B3GALT1: variants seen among roughly 807,000 people sequenced by gnomAD.
B3GALT1 encodes the protein beta-1,3-galactosyltransferase 1.
Under a neutral mutation model 23.2 loss-of-function variants are expected in B3GALT1, and 10 were observed. That is an observed-to-expected ratio of 0.43 (90% CI 0.27 to 0.73). The LOEUF (loss-of-function observed/expected upper bound fraction) is 0.73. Among genes scored for constraint, B3GALT1 ranks in the 30% least tolerant of loss-of-function variants. The pLI, the probability that B3GALT1 is intolerant of heterozygous loss-of-function variation, is 0.21. For synonymous variants in B3GALT1, 156 were observed against 141.5 expected, an observed-to-expected ratio of 1.10 and a Z score of -0.73; for missense variants, 299 against 405.4, an observed-to-expected ratio of 0.74 and a Z score of 2.25.
chr2:167,527,878 T>G (rs1683249052), intron 2 of B3GALT1, among the ~76,000 whole-genome samples: 1 of 152,186 alleles, frequency 6.6e-6, no homozygotes, highest in Non-Finnish European at 1.5e-5. Flanking sequence ...AAAAAGAATA[T>G]TAAAGTTATT....
intron 3 of B3GALT1, among the ~76,000 whole-genome samples, chr2:167,653,516 A>T (rs1685901460): frequency 6.6e-6 from 1 of 152,194 alleles, no homozygotes; most frequent in South Asian, 2.1e-4. Context: ...GAAATTGCAG[A>T]AAGAGCAGCA....
intron 3 of B3GALT1, among the ~76,000 whole-genome samples, chr2:167,806,192 T>C (rs1688748621): frequency 1.3e-5 from 2 of 152,232 alleles, no homozygotes; most frequent in African/African-American, 4.8e-5. Flanking sequence ...TCCTGAGACT[T>C]TGCTGAAGTT....
intron 3 of B3GALT1, among the ~76,000 whole-genome samples, chr2:167,681,313 A>C (rs1156794567): frequency 6.6e-6 from 1 of 152,090 alleles, no homozygotes; most frequent in African/African-American, 2.4e-5. Flanking sequence ...TTTTTGCCCT[A>C]TCTCTGTTTT....
At chr2:167,593,986 A>G (rs1237699031) in intron 2 of B3GALT1, among the ~76,000 whole-genome samples, 1 of 152,360 alleles carries the variant, frequency 6.6e-6, no homozygotes, top group Non-Finnish European at 1.5e-5. Context: ...ACAGAAGCCT[A>G]GATATTTACA....
intron 3 of B3GALT1, among the ~76,000 whole-genome samples, chr2:167,664,355 G>A (rs1265738700): frequency 6.6e-6 from 1 of 151,448 alleles, no homozygotes; most frequent in East Asian, 1.9e-4. Context: ...TGCTGTTTTG[G>A]TTACTGTAGC....
At chr2:167,824,295 TTA>T (rs1289448053) in intron 4 of B3GALT1, among the ~76,000 whole-genome samples, 1 of 152,200 alleles carries the variant, frequency 6.6e-6, no homozygotes, top group Non-Finnish European at 1.5e-5. Context: ...AGGATCAGAC[TTA>T]GTTTTTAGAA....
Position 167,867,793 on chromosome 2 carries a change from G to A in B3GALT1, c.-229-1018G>A, listed in dbSNP as rs10189356. 9.0e-3 allele frequency among the ~76,000 whole-genome samples: 1,376 copies of A among 152,234 alleles called. 20 individuals are homozygous for A. The highest frequency in any genetic ancestry group is 0.031 in the African/African-American group (1,298 of 41,530). ...GGAAGAAACAATTTTTTACATGAAT[G>A]GACTTCATAACCAGGCATATAGGAA... On this transcript the variant is annotated intron_variant, in intron 4 of 4. Coordinates refer to ENST00000392690, the MANE Select transcript of B3GALT1 (RefSeq NM_020981.4).
At chr2:167,640,546 A>T (rs1405404157) in intron 2 of B3GALT1, among the ~76,000 whole-genome samples, 2 of 73,934 alleles carry the variant, frequency 2.7e-5, no homozygotes, top group African/African-American at 3.9e-5. Flanking sequence ...TGTAAGTTTG[A>T]TTTTTTTTTC....
chr2:167,468,264 A>G (rs1269458525), intron 1 of B3GALT1, among the ~76,000 whole-genome samples: 1 of 152,188 alleles, frequency 6.6e-6, no homozygotes, highest in Non-Finnish European at 1.5e-5. Context: ...ATGGTTTTAA[A>G]ATCAAATCTA....
chr2:167,426,431 T>C (rs1161479104), intron 1 of B3GALT1, among the ~76,000 whole-genome samples: 1 of 151,986 alleles, frequency 6.6e-6, no homozygotes, highest in Non-Finnish European at 1.5e-5. Flanking sequence ...CCCACCACCA[T>C]GCCTGGCTAA....
At chr2:167,482,188 A>C (rs1396480502) in intron 1 of B3GALT1, among the ~76,000 whole-genome samples, 1 of 152,218 alleles carries the variant, frequency 6.6e-6, no homozygotes, top group East Asian at 1.9e-4. Context: ...TTAATAAAAT[A>C]ATCTCATAGT....
intron 3 of B3GALT1, among the ~76,000 whole-genome samples, chr2:167,661,573 T>C (rs1476080861): frequency 6.6e-6 from 1 of 152,074 alleles, no homozygotes; most frequent in East Asian, 1.9e-4. Flanking sequence ...AGCAGCATTG[T>C]TAGCCACTAG....
chr2:167,406,807 T>C (rs772777532), intron 1 of B3GALT1, among the ~76,000 whole-genome samples: 1 of 152,030 alleles, frequency 6.6e-6, no homozygotes, highest in Non-Finnish European at 1.5e-5. Context: ...CAGATACAGA[T>C]CCCCTGGGGA....
intron 3 of B3GALT1, among the ~76,000 whole-genome samples, chr2:167,716,707 AT>A (rs1309584998): frequency 2.6e-5 from 4 of 152,080 alleles, no homozygotes; most frequent in Non-Finnish European, 5.9e-5. Flanking sequence ...TAAGCCTGAC[AT>A]TTTTTGTTTT....
intron 3 of B3GALT1, among the ~76,000 whole-genome samples, chr2:167,665,956 A>G (rs1057333864): frequency 2.5e-4 from 38 of 151,744 alleles, no homozygotes; most frequent in African/African-American, 8.5e-4. Context: ...TTGTGTCTCT[A>G]TTTCCTTCAG....
intron 2 of B3GALT1, among the ~76,000 whole-genome samples, chr2:167,534,477 T>G (rs1683382457): frequency 6.6e-6 from 1 of 152,194 alleles, no homozygotes; most frequent in South Asian, 2.1e-4. Context: ...TGTTTTTATG[T>G]AAAACATACT....
chr2:167,474,932 G>A (rs1346853554), intron 1 of B3GALT1, among the ~76,000 whole-genome samples: 1 of 152,058 alleles, frequency 6.6e-6, no homozygotes, highest in African/African-American at 2.4e-5. Context: ...TGAAGACTTT[G>A]TCTCCTCATA....
chr2:167,564,266 G>C (rs916751795), intron 2 of B3GALT1, among the ~76,000 whole-genome samples: 2 of 150,900 alleles, frequency 1.3e-5, no homozygotes, highest in Non-Finnish European at 3.0e-5. Flanking sequence ...CAGACGATGG[G>C]CGGCCGGGCA....
intron 3 of B3GALT1, among the ~76,000 whole-genome samples, chr2:167,766,377 A>G (rs1251368378): frequency 6.6e-6 from 1 of 152,178 alleles, no homozygotes; most frequent in Non-Finnish European, 1.5e-5. Context: ...CACGTGTACT[A>G]GGGGACTCCA....
Sources: gnomAD v4.1 joint callset for allele counts (sites outside exome capture counted in the v4.1 genomes callset) on GRCh38, gnomAD v4.1.1 for gene constraint, MANE v1.5 for transcripts, NCBI Gene and HGNC (gene_info 2026-07-23, HGNC 2026-07-21) for gene names.